The following ERP27 variants were observed in gnomAD, a reference collection of about 807,000 sequenced individuals.
ERP27 encodes endoplasmic reticulum resident protein 27.
In ERP27, 23 loss-of-function variants were observed where a neutral mutation model predicts 27.7. The ratio of observed to expected loss-of-function variants is 0.83; its 90% CI spans 0.60 to 1.18. ERP27 has a LOEUF of 1.18. Ranked by LOEUF, ERP27 falls within the 50% of genes most tolerant of loss-of-function variation. ERP27 has a pLI of 0.00. For synonymous variants in ERP27, 159 were observed against 118.3 expected (o/e 1.34, Z -2.23); for missense variants, 363 against 327.9 (o/e 1.11, Z -0.83).
At chr12:14,936,417 A>G (rs1246349413) in intron 2 of ERP27, among the ~76,000 whole-genome samples, 3 of 152,306 alleles carry the variant, frequency 2.0e-5, no homozygotes, top group South Asian at 2.1e-4. Context: ...AGACGCTGGC[A>G]TCATTTTCCC....
At chr12:14,937,012 A>G (rs1358889376) in intron 2 of ERP27, among the ~76,000 whole-genome samples, 2 of 152,146 alleles carry the variant, frequency 1.3e-5, no homozygotes, top group Non-Finnish European at 2.9e-5. Context: ...GCTCCTTCAG[A>G]TGGAATTGCT....
At chr12:14,927,744 GCACACACACA>G (rs3084565) in intron 3 of ERP27, among the ~76,000 whole-genome samples, 16 of 148,310 alleles carry the variant, frequency 1.1e-4, no homozygotes, top group South Asian at 4.3e-4. Context: ...ATGCCTTCAG[GCACACACACA>G]CACACACACA....
At chr12:14,917,111 C>T (rs1354355647) in intron 5 of ERP27, 67 bp downstream of exon 5, 29 of 1,585,786 alleles carry the variant, frequency 1.8e-5, no homozygotes, top group Non-Finnish European at 2.4e-5. Context: ...TGCTTCCTAG[C>T]CCCATCTCCC....
At chr12:14,920,852 G>A in intron 4 of ERP27, 80 bp downstream of exon 4, 1 of 1,025,694 alleles carries the variant, frequency 9.7e-7, no homozygotes, top group Non-Finnish European at 1.5e-6. Flanking sequence ...AACTCTGGGA[G>A]GAAGAGACCT....
At chr12:14,934,770 A>G in intron 3 of ERP27, 86 bp downstream of exon 3, 3 of 1,514,452 alleles carry the variant, frequency 2.0e-6, no homozygotes, top group East Asian at 4.5e-5. Flanking sequence ...TGTAAAAGAC[A>G]TAGAGTCCTT....
At chr12:14,930,926 G>A (rs1863687800) in intron 3 of ERP27, among the ~76,000 whole-genome samples, 1 of 152,074 alleles carries the variant, frequency 6.6e-6, no homozygotes, top group African/African-American at 2.4e-5. Context: ...GGAGGCTAGA[G>A]GAATAAATTA....
At chr12:14,922,883 C>A (rs1003697429) in intron 3 of ERP27, among the ~76,000 whole-genome samples, 1 of 151,988 alleles carries the variant, frequency 6.6e-6, no homozygotes, top group African/African-American at 2.4e-5. Flanking sequence ...CAAGACTAGC[C>A]GGCCAACATG....
rs529161868 is a variant in ERP27 at position 14,915,572 on chromosome 12, C to G, written c.691G>C (p.Glu231Gln). The change falls in exon 6 of 7, where the codon GAG (glutamate) becomes CAG (glutamine). Residue 231 changes from glutamate (E) to glutamine (Q), a missense_variant. Transcript: ENST00000266397. ...TCTGCTGTGGGCAGTGTATCCCACT[C>G]GTCATCTAGAGTCTGGTAAATTGCC... ...ALAIYQTLDDEWDTLPTAEVS... is the reference protein window; with the variant it reads ...ALAIYQTLDDQWDTLPTAEVS... 2 of 1,614,186 alleles carry G rather than the reference C, an allele frequency of 1.2e-6. No homozygotes were observed. Among genetic ancestry groups the G allele is most frequent in the African/African-American group, 2.7e-5 (2 of 75,050 alleles).
At chr12:14,922,039 T>G (rs1270897275) in intron 3 of ERP27, among the ~76,000 whole-genome samples, 1 of 152,218 alleles carries the variant, frequency 6.6e-6, no homozygotes, top group Non-Finnish European at 1.5e-5. Context: ...TAAACACAAT[T>G]TATTTATTCA....
At chr12:14,937,892 G>T in intron 2 of ERP27, 60 bp downstream of exon 2, 1 of 1,439,774 alleles carries the variant, frequency 6.9e-7, no homozygotes, top group Non-Finnish European at 9.7e-7. Context: ...GGTGGCTGCT[G>T]TGGTTCCCTT....
chr12:14,934,217 T>C (rs746466364), intron 3 of ERP27, among the ~76,000 whole-genome samples: 1 of 152,230 alleles, frequency 6.6e-6, no homozygotes, highest in Non-Finnish European at 1.5e-5. Context: ...TCTAAACTTA[T>C]CTATCCTTCA....
At chr12:14,932,680 C>T (rs12311015) in intron 3 of ERP27, among the ~76,000 whole-genome samples, 48,525 of 152,044 alleles carry the variant, frequency 0.32, 8,200 homozygotes, top group Middle Eastern at 0.41. Flanking sequence ...CATTGTGATA[C>T]CATTTTAGAA....
Position 14,920,159 on chromosome 12 carries a change from G to GTA in ERP27, c.450+771_450+772dup, listed in dbSNP as rs544343461. Among the ~76,000 whole-genome samples the GTA allele has an allele frequency of 1.7e-3, 253 of 152,360 alleles. 2 individuals are homozygous for GTA. The highest frequency in any genetic ancestry group is 2.9e-3 in the Non-Finnish European group (198 of 68,028). On this transcript the variant is annotated intron_variant, in intron 4 of 6. Coordinates refer to ENST00000266397, the MANE Select transcript of ERP27 (RefSeq NM_152321.4). Reference sequence around the variant, plus strand: ...AGGATGGGACACATAAGATAATTCTGTAGACTGTTATAGTCTATAGAAAGT... The same window carrying GTA: ...AGGATGGGACACATAAGATAATTCTGTATAGACTGTTATAGTCTATAGAAAGT...
chr12:14,931,958 C>G (rs116828937), intron 3 of ERP27, among the ~76,000 whole-genome samples: 1,595 of 152,266 alleles, frequency 0.01, 31 homozygotes, highest in African/African-American at 0.036. Context: ...CAAAGCTTTT[C>G]ACAGAAGAAT....
chr12:14,935,074 GA>G (rs757305436), intron 2 of ERP27, 81 bp from the exon 3 acceptor site: 159 of 1,531,372 alleles, frequency 1.0e-4, no homozygotes, highest in Admixed American at 2.4e-4. Context: ...AATATGATAT[GA>G]TGTTTACCAG....
At chr12:14,922,147 G>A (rs1863513939) in intron 3 of ERP27, among the ~76,000 whole-genome samples, 1 of 152,126 alleles carries the variant, frequency 6.6e-6, no homozygotes, top group African/African-American at 2.4e-5. Context: ...TGTATCCACT[G>A]AGCATATACC....
intron 3 of ERP27, chr12:14,928,851 T>C: frequency 7.7e-7 from 1 of 1,295,374 alleles, no homozygotes; most frequent in Non-Finnish European, 1.1e-6. Flanking sequence ...TCCCCTTCCC[T>C]TGCCCATATC....
At chr12:14,937,110 A>C (rs1863784588) in intron 2 of ERP27, among the ~76,000 whole-genome samples, 1 of 152,092 alleles carries the variant, frequency 6.6e-6, no homozygotes, top group African/African-American at 2.4e-5. Flanking sequence ...CATCTTTCTG[A>C]CGGTGTTTTT....
chr12:14,938,442 C>T lies in ERP27; in HGVS notation c.67G>A (p.Val23Ile). ...FLLTCELAAE[V>I]AAEVEKSSDG... ...GAGGATTTCTCAACTTCTGCAGCAA[C>T]TTCTGCAGCCAGCTCACACGTGAGG... The change falls in exon 1 of 7, where the codon GTT becomes ATT. Residue 23 changes from valine (V) to isoleucine (I), a missense_variant. Coordinates refer to ENST00000266397, the MANE Select transcript of ERP27 (RefSeq NM_152321.4). The T allele has an allele frequency of 6.2e-7, 1 of 1,614,170 alleles. No homozygotes were observed. Among genetic ancestry groups the T allele is most frequent in the East Asian group, 2.2e-5 (1 of 44,868 alleles).
Sources: gnomAD v4.1 joint callset for allele counts (sites outside exome capture counted in the v4.1 genomes callset) on GRCh38, gnomAD v4.1.1 for gene constraint, MANE v1.5 for transcripts, NCBI Gene and HGNC (gene_info 2026-07-23, HGNC 2026-07-21) for gene names.